The following MALRD1 variants were observed in gnomAD, a reference collection of about 807,000 sequenced individuals.
MALRD1 encodes MAM and LDL-receptor class A domain-containing protein 1.
In MALRD1, 247 loss-of-function variants were observed where a neutral mutation model predicts 242.1. That is an observed-to-expected ratio of 1.02 (90% CI 0.92 to 1.13). The LOEUF is 1.13. Among genes scored for constraint, MALRD1 ranks in the 50% most tolerant of loss-of-function variants. The pLI, the probability that MALRD1 is intolerant of heterozygous loss-of-function variation, is 0.00. For missense variants in MALRD1, 2,989 were observed against 2,533.1 expected, an observed-to-expected ratio of 1.18 and a Z score of -3.86; for synonymous variants, 995 against 866.6, an observed-to-expected ratio of 1.15 and a Z score of -2.60.
At chr10:19,063,931 C>A (rs1834896483) in intron 1 of MALRD1, among the ~76,000 whole-genome samples, 1 of 151,730 alleles carries the variant, frequency 6.6e-6, no homozygotes, top group Non-Finnish European at 1.5e-5. Flanking sequence ...TACCCTAAAA[C>A]TTAAAGTATC....
intron 9 of MALRD1, among the ~76,000 whole-genome samples, chr10:19,135,894 T>C (rs1276946402): frequency 2.0e-5 from 3 of 152,218 alleles, no homozygotes; most frequent in African/African-American, 7.2e-5. Context: ...AATGTGTGGT[T>C]ATTTCATTTG....
At chr10:19,068,783 T>G (rs554119152) in intron 2 of MALRD1, among the ~76,000 whole-genome samples, 1 of 152,238 alleles carries the variant, frequency 6.6e-6, no homozygotes, top group African/African-American at 2.4e-5. Context: ...AAATTTTTGA[T>G]TAACTTACTC....
At chr10:19,205,390 T>C (rs1836740452) in intron 17 of MALRD1, 125 bp downstream of exon 17, 3 of 1,072,844 alleles carry the variant, frequency 2.8e-6, no homozygotes, top group African/African-American at 3.4e-5. Flanking sequence ...ATGAATGTTA[T>C]GTGTGGTTAA....
intron 18 of MALRD1, among the ~76,000 whole-genome samples, chr10:19,255,787 T>A (rs1321012278): frequency 6.6e-6 from 1 of 152,042 alleles, no homozygotes; most frequent in African/African-American, 2.4e-5. Flanking sequence ...TGGCCTTGAA[T>A]GCAGATAGAA....
At chr10:19,478,709 A>T (rs1350593809) in intron 29 of MALRD1, among the ~76,000 whole-genome samples, 1 of 152,052 alleles carries the variant, frequency 6.6e-6, no homozygotes, top group African/African-American at 2.4e-5. Context: ...TTTCTGCCTC[A>T]TTTCATCACG....
At chr10:19,150,877 A>G (rs754111576) in intron 11 of MALRD1, among the ~76,000 whole-genome samples, 2 of 152,172 alleles carry the variant, frequency 1.3e-5, no homozygotes, top group Non-Finnish European at 2.9e-5. Flanking sequence ...TATCATGACG[A>G]TGTTTCAAAT....
chr10:19,281,001 A>AGG lies in MALRD1; in HGVS notation c.3256+779_3256+780insGG, dbSNP rs1840777741. Among the ~76,000 whole-genome samples the AGG allele has an allele frequency of 2.6e-5, 4 of 152,350 alleles. No individual in the cohort carries two copies. The South Asian group carries it at 8.3e-4, about 32-fold the overall frequency. ...TAGAACAGACAGATAACACAGAGAG[A>AGG]GTAGTGAAACCCTTGTTTTATGTCA... is the stretch of plus-strand genomic sequence containing the variant. On this transcript the variant is annotated intron_variant, in intron 20 of 39. Coordinates refer to ENST00000454679, the MANE Select transcript of MALRD1 (RefSeq NM_001142308.3).
At chr10:19,272,857 G>A (rs113679078) in intron 19 of MALRD1, among the ~76,000 whole-genome samples, 185 of 152,278 alleles carry the variant, frequency 1.2e-3, no homozygotes, top group Non-Finnish European at 1.9e-3. Flanking sequence ...CAAAGGACAT[G>A]AACTCATTCT....
At chr10:19,262,659 A>G (rs1839802957) in intron 19 of MALRD1, among the ~76,000 whole-genome samples, 1 of 150,406 alleles carries the variant, frequency 6.6e-6, no homozygotes, top group South Asian at 2.1e-4. Context: ...CTGTCTCAAA[A>G]AAAAAAAAAA....
At chr10:19,193,847 T>C (rs1836108597) in intron 14 of MALRD1, among the ~76,000 whole-genome samples, 1 of 151,086 alleles carries the variant, frequency 6.6e-6, no homozygotes, top group African/African-American at 2.4e-5. Context: ...AAAAAATATA[T>C]ATATATATAC....
chr10:19,425,856 G>A (rs980639112), intron 28 of MALRD1, among the ~76,000 whole-genome samples: 1 of 151,998 alleles, frequency 6.6e-6, no homozygotes, highest in East Asian at 1.9e-4. Flanking sequence ...AGTCTCCTTC[G>A]AACCACAGGC....
chr10:19,342,308 C>G (rs956018440), intron 24 of MALRD1, among the ~76,000 whole-genome samples: 1 of 152,076 alleles, frequency 6.6e-6, no homozygotes, highest in Non-Finnish European at 1.5e-5. Flanking sequence ...CATTTAAAAT[C>G]TAAGGAAGCA....
chr10:19,444,168 T>C (rs1834828515), intron 28 of MALRD1, among the ~76,000 whole-genome samples: 1 of 152,186 alleles, frequency 6.6e-6, no homozygotes, highest in African/African-American at 2.4e-5. Flanking sequence ...TTGGTAGATC[T>C]TCCTCCATCC....
At chr10:19,137,454 A>G (rs1220258956) in intron 10 of MALRD1, among the ~76,000 whole-genome samples, 2 of 151,850 alleles carry the variant, frequency 1.3e-5, no homozygotes, top group Non-Finnish European at 2.9e-5. Context: ...AAAATACAAA[A>G]AATTAGCCAG....
chr10:19,358,195 A>AGTGTGTGTGTGT (rs776862926), intron 26 of MALRD1, among the ~76,000 whole-genome samples: 14,854 of 145,412 alleles, frequency 0.1, 934 homozygotes, highest in Non-Finnish European at 0.13. Flanking sequence ...GCAGGAGTCA[A>AGTGTGTGTGTGT]GTGTGTGTGT....
chr10:19,334,119 GTTTTTTTTTTTT>G (rs56931838), intron 24 of MALRD1, among the ~76,000 whole-genome samples: 3 of 66,790 alleles, frequency 4.5e-5, no homozygotes, highest in Non-Finnish European at 8.1e-5. Flanking sequence ...CTGTTGGTAG[GTTTTTTTTTTTT>G]TTTTTTTTTT....
intron 33 of MALRD1, among the ~76,000 whole-genome samples, chr10:19,584,924 A>G (rs572806262): frequency 2.5e-4 from 38 of 151,926 alleles, no homozygotes; most frequent in African/African-American, 8.5e-4. Context: ...TTGGGTGCAT[A>G]TATATTTAGG....
chr10:19,087,421 G>A (rs1386697757), intron 2 of MALRD1, among the ~76,000 whole-genome samples: 1 of 152,024 alleles, frequency 6.6e-6, no homozygotes, highest in Admixed American at 6.6e-5. Context: ...AGTAAATGAT[G>A]TGGTTAAATT....
chr10:19,692,886 T>TATATATATATATATATATATATATATA (rs373717863), intron 38 of MALRD1, among the ~76,000 whole-genome samples: 24 of 136,842 alleles, frequency 1.8e-4, no homozygotes, highest in African/African-American at 6.1e-4. Flanking sequence ...TATATATATA[T>TATATATATATATATATATATATATATA]AATTTCATCC....
Sources: allele counts gnomAD v4.1 joint callset (sites outside exome capture counted in the v4.1 genomes callset), GRCh38; gene constraint gnomAD v4.1.1; transcripts MANE v1.5; gene names NCBI Gene and HGNC (gene_info 2026-07-23, HGNC 2026-07-21).